ERAP1: variants seen among roughly 807,000 people sequenced by gnomAD.
The protein encoded by ERAP1 is endoplasmic reticulum aminopeptidase 1.
In ERAP1, 86 loss-of-function variants were observed where a neutral mutation model predicts 103.7. The observed-to-expected ratio is 0.83, with a 90% confidence interval of 0.70 to 0.99. ERAP1 has a LOEUF of 0.99. Among genes scored for constraint, ERAP1 ranks in the 50% least tolerant of loss-of-function variants. The pLI, the probability that ERAP1 is intolerant of heterozygous loss-of-function variation, is 0.00. For synonymous variants in ERAP1, 398 were observed against 402.4 expected (o/e 0.99, Z 0.13); for missense variants, 1,009 against 1,128.4 (o/e 0.89, Z 1.52).
the ERAP1 span, chr5:96,880,898 C>CA: frequency 4.4e-5 from 7 of 160,066 alleles, no homozygotes; most frequent in African/African-American, 1.4e-4. Flanking sequence ...AAACAAGGTG[C>CA]AAGAAAGGTA....
the ERAP1 span, among the ~76,000 whole-genome samples, chr5:96,849,485 G>GA: frequency 1.3e-5 from 2 of 152,050 alleles, no homozygotes; most frequent in African/African-American, 2.4e-5. Context: ...GAAGTATCTG[G>GA]AAAAAAATTA....
At chr5:96,824,727 G>A in the ERAP1 span, among the ~76,000 whole-genome samples, 1 of 152,098 alleles carries the variant, frequency 6.6e-6, no homozygotes, top group South Asian at 2.1e-4. Flanking sequence ...TAACACCACT[G>A]TAATCATAAT....
chr5:96,767,698 CAACGT>C lies in ERAP1; in HGVS notation c.2819-4475_2819-4471del, dbSNP rs1770493956. ...AAACTGAGGCTCAGAGAATGCTAAG[CAACGT>C]GTATTAAAGAGTAGATGGAAAAAAA... On this transcript the variant is annotated intron_variant, in intron 19 of 19. Coordinates refer to the ERAP1 transcript ENST00000296754. 2.0e-5 allele frequency among the ~76,000 whole-genome samples: 3 copies of C among 152,208 alleles called. No homozygotes were observed. The South Asian group carries it at 6.2e-4, about 32-fold the overall frequency.
the ERAP1 span, among the ~76,000 whole-genome samples, chr5:96,834,224 C>A: frequency 6.1e-4 from 93 of 152,316 alleles, no homozygotes; most frequent in African/African-American, 2.0e-3. Flanking sequence ...CCTTCTCCAA[C>A]AAATTAATTT....
At chr5:96,916,972 C>T in the ERAP1 span, among the ~76,000 whole-genome samples, 3 of 152,044 alleles carry the variant, frequency 2.0e-5, no homozygotes, top group African/African-American at 4.8e-5. Flanking sequence ...CTTACTTTAC[C>T]TATTGTTTGA....
the ERAP1 span, among the ~76,000 whole-genome samples, chr5:96,913,779 A>G: frequency 6.6e-6 from 1 of 152,230 alleles, no homozygotes; most frequent in Non-Finnish European, 1.5e-5. Context: ...AGCCCAGAAG[A>G]ATCCCAAGAT....
chr5:96,793,733 G>GCCTT (rs1776993222), intron 6 of ERAP1, 70 bp downstream of exon 6: 1 of 1,341,046 alleles, frequency 7.5e-7, no homozygotes, highest in African/African-American at 1.5e-5. Flanking sequence ...TATATAAATA[G>GCCTT]CCTTATATGT....
At chr5:96,895,247 G>C in the ERAP1 span, 38 of 1,598,530 alleles carry the variant, frequency 2.4e-5, no homozygotes, top group Non-Finnish European at 1.7e-6. Context: ...ACCTCCTAGT[G>C]GTTTGGCAAC....
rs1776021007 is a variant in ERAP1, at chr5:96,786,531, T to C, written c.1698A>G (p.Pro566=). The C allele has an allele frequency of 1.2e-6, 2 of 1,612,304 alleles. No homozygotes were observed. Among genetic ancestry groups the C allele is most frequent in the Non-Finnish European group, 8.5e-7 (1 of 1,178,546 alleles). Residue 566 remains proline (P), a synonymous_variant, in exon 12 of 19, where the codon CCA becomes CCG. Transcript: ENST00000443439. ...APDTGYLWHV[P]LTFITSKSDM... is the part of the protein sequence containing the mutation. ...CGGATTTGCTGGTGATGAATGTCAA[T>C]GGAACATGCCACAGGTACCTAAAAT... is the stretch of plus-strand genomic sequence containing the variant.
intron 19 of ERAP1, chr5:96,763,272 C>T (rs753444568): frequency 2.6e-6 from 2 of 780,458 alleles, no homozygotes; most frequent in Admixed American, 3.4e-5. Flanking sequence ...CAGACCTGGC[C>T]CCGGGCAGCT....
the ERAP1 span, among the ~76,000 whole-genome samples, chr5:96,856,960 T>A: frequency 2.0e-5 from 3 of 152,242 alleles, no homozygotes; most frequent in Non-Finnish European, 2.9e-5. Context: ...GCTTTCTGCA[T>A]CCTGATGCCC....
In ERAP1 at chr5:96,775,667, G is replaced by A. The variant is rs13160562; in HGVS notation, c.*729C>T. The A allele has an allele frequency of 0.25, 61,335 of 241,920 alleles. 8,782 individuals are homozygous for A. The highest frequency in any genetic ancestry group is 0.31 in the Non-Finnish European group (46,254 of 150,242). 15.0% of individuals were successfully genotyped at this position (241,920 alleles called of 1,614,324 possible). Reference sequence around the variant, plus strand: ...CCACTGAGGCCACTAATCCTGAAGGGATGAGGAGGGAGCAGTTACCAAAAT... The same window carrying A: ...CCACTGAGGCCACTAATCCTGAAGGAATGAGGAGGGAGCAGTTACCAAAAT... On this transcript the variant is annotated 3_prime_UTR_variant, in exon 19 of 19. Transcript: ENST00000443439.
At chr5:96,930,453 A>G in the ERAP1 span, among the ~76,000 whole-genome samples, 1,394 of 152,274 alleles carry the variant, frequency 9.2e-3, 24 homozygotes, top group African/African-American at 0.032. Context: ...TAGCTTATTG[A>G]ATACATATAT....
chr5:96,877,330 C>T, the ERAP1 span, among the ~76,000 whole-genome samples: 1 of 152,172 alleles, frequency 6.6e-6, no homozygotes, highest in East Asian at 1.9e-4. Context: ...ACAACCCTTA[C>T]TAGTTCTAAA....
the ERAP1 span, among the ~76,000 whole-genome samples, chr5:96,823,360 G>A: frequency 3.3e-5 from 5 of 152,124 alleles, no homozygotes; most frequent in African/African-American, 1.2e-4. Flanking sequence ...ATATTTGATG[G>A]CATTTCCCAT....
chr5:96,789,157 T>C (rs955847321), intron 10 of ERAP1, among the ~76,000 whole-genome samples: 3 of 152,182 alleles, frequency 2.0e-5, no homozygotes, highest in African/African-American at 7.2e-5. Context: ...AAGGAGCTGT[T>C]TTTTGATACT....
upstream of ERAP1, chr5:96,808,261 T>TGTGTGTGTGTGTGTGTGTGTGTGTG (rs1387638650): frequency 7.2e-6 from 6 of 837,702 alleles, no homozygotes; most frequent in Admixed American, 1.5e-4. Flanking sequence ...TGTGTGTGTG[T>TGTGTGTGTGTGTGTGTGTGTGTGTG]TGAGATGCTT....
At chr5:96,853,380 A>T in the ERAP1 span, among the ~76,000 whole-genome samples, 1 of 152,140 alleles carries the variant, frequency 6.6e-6, no homozygotes, top group African/African-American at 2.4e-5. Context: ...TCTGCAGGTA[A>T]ATCTAATTCT....
At chr5:96,763,010 A>G in exon 20 of ERAP1, 1 of 667,982 alleles carries the variant, frequency 1.5e-6, no homozygotes, top group East Asian at 2.7e-5. Flanking sequence ...ATACATTACC[A>G]AGGAGACCAC....
Sources: allele counts gnomAD v4.1 joint callset (sites outside exome capture counted in the v4.1 genomes callset), GRCh38; gene constraint gnomAD v4.1.1; transcripts MANE v1.5; gene names NCBI Gene and HGNC (gene_info 2026-07-23, HGNC 2026-07-21).